TBL1XR1: variants seen among roughly 807,000 people sequenced by gnomAD.
TBL1XR1 encodes F-box-like/WD repeat-containing protein TBL1XR1.
TBL1XR1 carries 5 observed loss-of-function variants against 66.9 expected under a neutral mutation model. The observed-to-expected ratio is 0.07, with a 90% confidence interval of 0.04 to 0.16. The LOEUF (loss-of-function observed/expected upper bound fraction) is 0.16, where lower values mean the gene tolerates loss of function less well. Among genes scored for constraint, TBL1XR1 ranks in the 10% least tolerant of loss-of-function variants. TBL1XR1 has a pLI of 1.00. For synonymous variants in TBL1XR1, 210 were observed against 206.0 expected (o/e 1.02, Z -0.17); for missense variants, 238 against 623.2 (o/e 0.38, Z 6.58).
At chr3:177,156,090 T>C (rs1731453985) in intron 1 of TBL1XR1, among the ~76,000 whole-genome samples, 1 of 143,954 alleles carries the variant, frequency 6.9e-6, no homozygotes, top group Non-Finnish European at 1.5e-5. Flanking sequence ...ATAAACTTTC[T>C]TAGAACAAAA....
chr3:177,198,031 C>G (rs1194207597), upstream of TBL1XR1, among the ~76,000 whole-genome samples: 1 of 151,576 alleles, frequency 6.6e-6, no homozygotes, highest in African/African-American at 2.4e-5. Flanking sequence ...GGGGGCTGGG[C>G]GCACACGCGG....
intron 2 of TBL1XR1, among the ~76,000 whole-genome samples, chr3:177,074,808 A>G (rs143991100): frequency 1.3e-5 from 2 of 152,332 alleles, no homozygotes; most frequent in East Asian, 3.9e-4. Context: ...CTTATATCAC[A>G]ATAAAGACAT....
At chr3:177,128,474 C>G (rs76602357) in intron 1 of TBL1XR1, among the ~76,000 whole-genome samples, 1 of 152,104 alleles carries the variant, frequency 6.6e-6, no homozygotes, top group African/African-American at 2.4e-5. Flanking sequence ...CTCAAGCTCA[C>G]GCGATCATCT....
intron 10 of TBL1XR1, among the ~76,000 whole-genome samples, chr3:177,039,493 C>T (rs1715277913): frequency 6.6e-6 from 1 of 152,190 alleles, no homozygotes; most frequent in South Asian, 2.1e-4. Flanking sequence ...TCTTGTCAAA[C>T]ACCTCTTAAA....
chr3:177,034,286 G>C lies in TBL1XR1; in HGVS notation c.1162C>G (p.Gln388Glu). ...GTATAAATTTCTTTATTATGTGCTT[G>C]CAAATCATGGACACAATTGTCTTGT... Reference protein sequence around the residue: ...MKQDNCVHDLQAHNKEIYTIK... With the variant: ...MKQDNCVHDLEAHNKEIYTIK... Residue 388 changes from glutamine (Q) to glutamate (E), a missense_variant, in exon 13 of 16, where the codon CAA (glutamine) becomes GAA (glutamate). Physicochemically the swap from Gln to Glu is conservative, Grantham distance 29 (BLOSUM62 2). Coordinates refer to ENST00000457928, the MANE Select transcript of TBL1XR1 (RefSeq NM_024665.7). 1 of 1,595,086 alleles carries C rather than the reference G, an allele frequency of 6.3e-7. No homozygotes were observed. Among genetic ancestry groups the C allele is most frequent in the Non-Finnish European group, 8.5e-7 (1 of 1,174,766 alleles).
chr3:177,077,822 C>A (rs1273198367), intron 2 of TBL1XR1, among the ~76,000 whole-genome samples: 2 of 152,328 alleles, frequency 1.3e-5, no homozygotes, highest in African/African-American at 4.8e-5. Flanking sequence ...TCCTCCTGTA[C>A]CCCTAAGTGC....
intron 1 of TBL1XR1, among the ~76,000 whole-genome samples, chr3:177,162,224 CGTGT>C (rs1732300114): frequency 6.6e-6 from 1 of 152,120 alleles, no homozygotes; most frequent in Non-Finnish European, 1.5e-5. Context: ...TACACTTATG[CGTGT>C]GTATCAATGA....
At chr3:177,030,444 G>C (rs1713817739) in intron 14 of TBL1XR1, among the ~76,000 whole-genome samples, 1 of 151,964 alleles carries the variant, frequency 6.6e-6, no homozygotes, top group Non-Finnish European at 1.5e-5. Context: ...ATTCACAACA[G>C]CATGATTAAT....
chr3:177,115,196 A>G (rs903844641), intron 1 of TBL1XR1, among the ~76,000 whole-genome samples: 3 of 152,004 alleles, frequency 2.0e-5, no homozygotes, highest in African/African-American at 7.2e-5. Flanking sequence ...CCCAGCTTCC[A>G]ATTACTTTTG....
intron 2 of TBL1XR1, among the ~76,000 whole-genome samples, chr3:177,082,921 A>G (rs1347999486): frequency 6.6e-6 from 1 of 150,648 alleles, no homozygotes; most frequent in Non-Finnish European, 1.5e-5. Flanking sequence ...ACATCTGGCT[A>G]ATTTTTTCTG....
chr3:177,123,660 CA>C (rs1221080434), intron 1 of TBL1XR1, among the ~76,000 whole-genome samples: 9 of 152,030 alleles, frequency 5.9e-5, no homozygotes, highest in African/African-American at 2.2e-4. Flanking sequence ...GACTGAAAAC[CA>C]GGTGACTGAA....
At position 177,020,968 on chromosome 3, in the gene TBL1XR1, T is replaced by C. The variant is rs1482242684; in HGVS notation, c.*4530A>G. 2 of 152,180 alleles carry C rather than the reference T, an allele frequency of 1.3e-5. No homozygotes were observed. The highest frequency in any genetic ancestry group is 2.9e-5 in the Non-Finnish European group (2 of 68,002). The allele number at this position is 152,180 out of a possible 1,614,324, so 9.4% of individuals were successfully genotyped here. ...ATGGTCCAGGACAGCACAGAACATC[T>C]ACATCAGTCTTCCTTACACAATAAT... On this transcript the variant is annotated 3_prime_UTR_variant, in exon 16 of 16. Transcript: ENST00000457928.
upstream of TBL1XR1, chr3:177,201,672 T>C (rs1212619671): frequency 6.6e-6 from 1 of 152,172 alleles, no homozygotes; most frequent in Non-Finnish European, 1.5e-5. Flanking sequence ...CTTAATTGTA[T>C]AAAAAAGACA....
At chr3:177,047,796 G>A in intron 7 of TBL1XR1, 1 of 450,102 alleles carries the variant, frequency 2.2e-6, no homozygotes, top group Non-Finnish European at 4.0e-6. Context: ...CTCTGGACCA[G>A]GATCTACATC....
intron 1 of TBL1XR1, among the ~76,000 whole-genome samples, chr3:177,189,506 T>A (rs536208167): frequency 6.6e-6 from 1 of 151,740 alleles, no homozygotes; most frequent in South Asian, 2.1e-4. Flanking sequence ...TACAAAAAAA[T>A]TAGCCAGGCG....
rs1490227121 is a variant in TBL1XR1 at position 177,024,078 on chromosome 3, A to G, written c.*1420T>C. The G allele has an allele frequency of 6.6e-6, 1 of 152,250 alleles. No homozygotes were observed. Among genetic ancestry groups the G allele is most frequent in the African/African-American group, 2.4e-5 (1 of 41,394 alleles). 9.4% of individuals were successfully genotyped at this position (152,250 alleles called of 1,614,324 possible). Reference sequence around the variant, plus strand: ...TACTTGATATTATAAACAGAGTAAAAGACATGATATAGTAGTGATTACTAA... The same window carrying G: ...TACTTGATATTATAAACAGAGTAAAGGACATGATATAGTAGTGATTACTAA... On this transcript the variant is annotated 3_prime_UTR_variant, in exon 16 of 16. Transcript: ENST00000457928.
chr3:177,106,194 G>A (rs2108696369), intron 1 of TBL1XR1, among the ~76,000 whole-genome samples: 1 of 152,214 alleles, frequency 6.6e-6, no homozygotes, highest in Non-Finnish European at 1.5e-5. Context: ...AAGCCCAAAT[G>A]AGCCTCAGCT....
intron 12 of TBL1XR1, chr3:177,037,809 T>TCCA (rs1439065819): frequency 6.6e-5 from 12 of 183,076 alleles, no homozygotes; most frequent in East Asian, 1.4e-4. Flanking sequence ...TCCATCCATC[T>TCCA]TCTTATTGGT....
chr3:177,066,902 A>C (rs1577066523), intron 2 of TBL1XR1, among the ~76,000 whole-genome samples: 1 of 152,206 alleles, frequency 6.6e-6, no homozygotes. Context: ...AAGAAAAGGT[A>C]CCCTCTTCAC....
Sources: allele counts gnomAD v4.1 joint callset (sites outside exome capture counted in the v4.1 genomes callset), GRCh38; gene constraint gnomAD v4.1.1; transcripts MANE v1.5; gene names NCBI Gene and HGNC (gene_info 2026-07-23, HGNC 2026-07-21).